The following RPTOR variants were observed in gnomAD, a reference collection of about 807,000 sequenced individuals.
RPTOR encodes the protein regulatory associated protein of MTOR complex 1.
RPTOR carries 21 observed loss-of-function variants against 169.9 expected under a neutral mutation model. That is an observed-to-expected ratio of 0.12 (90% CI 0.09 to 0.18). The LOEUF is 0.18. Among genes scored for constraint, RPTOR ranks in the 10% least tolerant of loss-of-function variants. The pLI, the probability that RPTOR is intolerant of heterozygous loss-of-function variation, is 1.00. For synonymous variants in RPTOR, 732 were observed against 753.2 expected (o/e 0.97, Z 0.46); for missense variants, 1,133 against 1,855.9 (o/e 0.61, Z 7.16).
rs1371441360 is a variant in RPTOR, at chr17:80,965,729, G to C, written c.*1399G>C. The C allele has an allele frequency of 4.3e-6, 1 of 233,254 alleles. No individual in the cohort carries two copies. The highest frequency in any genetic ancestry group is 8.5e-6 in the Non-Finnish European group (1 of 118,118). 14.4% of individuals were successfully genotyped at this position (233,254 alleles called of 1,614,324 possible). The stretch of plus-strand genomic sequence containing the variant: ...GATGGAACCCTGCCTGGTCACATTT[G>C]GCCAGAGACACACCTGGCCCTCAGG... On this transcript the variant is annotated 3_prime_UTR_variant, in exon 34 of 34. Transcript: ENST00000306801.
At chr17:80,607,303 A>G (rs2065236325) in intron 1 of RPTOR, among the ~76,000 whole-genome samples, 1 of 152,216 alleles carries the variant, frequency 6.6e-6, no homozygotes, top group African/African-American at 2.4e-5. Context: ...ACCAGATTTT[A>G]TTTACAACTG....
At chr17:80,552,549 T>A (rs1405586587) in intron 1 of RPTOR, among the ~76,000 whole-genome samples, 1 of 152,232 alleles carries the variant, frequency 6.6e-6, no homozygotes, top group Non-Finnish European at 1.5e-5. Context: ...CCTAGTCTAG[T>A]CTATGCTAGT....
chr17:80,858,004 C>G, intron 13 of RPTOR, 104 bp downstream of exon 13: 1 of 884,426 alleles, frequency 1.1e-6, no homozygotes, highest in South Asian at 1.4e-5. Flanking sequence ...GCCTCGCTCC[C>G]TCTCCAGGCA....
chr17:80,614,840 C>T (rs1481917787), intron 1 of RPTOR, among the ~76,000 whole-genome samples: 3 of 152,316 alleles, frequency 2.0e-5, no homozygotes, highest in East Asian at 1.9e-4. Flanking sequence ...CTTTAGTCGT[C>T]GATAATCCCC....
Position 80,619,140 on chromosome 17 carries a change from G to C in RPTOR, c.163-6551G>C, listed in dbSNP as rs114454270. Among the ~76,000 whole-genome samples, 348 of 152,254 alleles carry C rather than the reference G, an allele frequency of 2.3e-3. 5 individuals are homozygous for C. Among genetic ancestry groups the C allele is most frequent in the African/African-American group, 7.9e-3 (329 of 41,544 alleles). Reference sequence around the variant, plus strand: ...CGGGAATTGGGTGGCTCTGCCTTCAGACAAACCAGGGGATAGTGAATGTTG... The same window carrying C: ...CGGGAATTGGGTGGCTCTGCCTTCACACAAACCAGGGGATAGTGAATGTTG... On this transcript the variant is annotated intron_variant, in intron 1 of 33. Coordinates refer to ENST00000306801, the MANE Select transcript of RPTOR (RefSeq NM_020761.3).
At chr17:80,954,901 T>C (rs974274470) in intron 28 of RPTOR, among the ~76,000 whole-genome samples, 2 of 151,826 alleles carry the variant, frequency 1.3e-5, no homozygotes, top group African/African-American at 4.8e-5. Context: ...TGGGCAAAAG[T>C]GTGAGACTAC....
At chr17:80,848,765 G>A (rs544198776) in intron 11 of RPTOR, among the ~76,000 whole-genome samples, 6 of 152,374 alleles carry the variant, frequency 3.9e-5, no homozygotes, top group Non-Finnish European at 5.9e-5. Context: ...TGCCAAGCAC[G>A]TTAAATCCAG....
At chr17:80,635,346 T>C (rs2065497825) in intron 2 of RPTOR, among the ~76,000 whole-genome samples, 1 of 152,222 alleles carries the variant, frequency 6.6e-6, no homozygotes, top group African/African-American at 2.4e-5. Context: ...CTGAGACAGA[T>C]GCCAGCTTTG....
intron 33 of RPTOR, among the ~76,000 whole-genome samples, chr17:80,963,379 T>A: frequency 6.6e-6 from 1 of 151,068 alleles, no homozygotes. Flanking sequence ...TGTCCATCCC[T>A]GTGCGGCCCT....
chr17:80,881,694 G>A (rs750540401), intron 14 of RPTOR, among the ~76,000 whole-genome samples: 24 of 152,196 alleles, frequency 1.6e-4, no homozygotes, highest in Non-Finnish European at 3.1e-4. Flanking sequence ...TGTGGCACAC[G>A]CCTGTGGTCT....
chr17:80,588,885 C>CT (rs1477581184), intron 1 of RPTOR, among the ~76,000 whole-genome samples: 1 of 152,162 alleles, frequency 6.6e-6, no homozygotes, highest in African/African-American at 2.4e-5. Flanking sequence ...TATGGTCTCT[C>CT]TTGATAAACA....
Position 80,634,409 on chromosome 17 carries a change from T to C in RPTOR, c.265+8616T>C, listed in dbSNP as rs762532224. Among the ~76,000 whole-genome samples, 459 of 125,948 alleles carry C rather than the reference T, an allele frequency of 3.6e-3. 45 individuals carry two copies. Among genetic ancestry groups the C allele is most frequent in the Non-Finnish European group, 5.4e-3 (309 of 56,776 alleles). 82.6% of individuals were successfully genotyped at this position (125,948 alleles called of 152,430 possible). A position where few individuals can be genotyped will look rare whatever the true frequency, so the allele number is the denominator to read the frequency against. On this transcript the variant is annotated intron_variant, in intron 2 of 33. Transcript: ENST00000306801. ...ACTGTGTGCGTGTGCATACCGTGTG[T>C]GTGTGCATACCGTGTGTGTGTGCAT... is the stretch of plus-strand genomic sequence containing the variant.
At chr17:80,927,144 A>G (rs1015768292) in intron 24 of RPTOR, among the ~76,000 whole-genome samples, 33 of 152,260 alleles carry the variant, frequency 2.2e-4, no homozygotes, top group Middle Eastern at 3.2e-3. Context: ...ACTCTGAGTG[A>G]GCCAGAGCTG....
At chr17:80,564,629 T>G (rs1568306571) in intron 1 of RPTOR, among the ~76,000 whole-genome samples, 1 of 149,338 alleles carries the variant, frequency 6.7e-6, no homozygotes, top group African/African-American at 2.5e-5. Context: ...TTTCCGGATG[T>G]GCAGGTTTGT....
At chr17:80,711,714 T>G (rs1281095001) in intron 4 of RPTOR, among the ~76,000 whole-genome samples, 1 of 150,804 alleles carries the variant, frequency 6.6e-6, no homozygotes, top group Admixed American at 6.6e-5. Context: ...TGTCTTCTTT[T>G]GGGAAGTTAA....
intron 3 of RPTOR, among the ~76,000 whole-genome samples, chr17:80,705,558 G>A (rs1464748696): frequency 6.6e-6 from 1 of 152,218 alleles, no homozygotes; most frequent in African/African-American, 2.4e-5. Flanking sequence ...GAGTTTTAAT[G>A]TATATAATTA....
chr17:80,741,879 C>G (rs11869898), intron 5 of RPTOR, among the ~76,000 whole-genome samples: 1 of 152,012 alleles, frequency 6.6e-6, no homozygotes, highest in Non-Finnish European at 1.5e-5. Context: ...ACTGACAGAC[C>G]AGACCAGAGA....
rs2066377415 is a variant in RPTOR, at chr17:80,730,126, AGACT to A, written c.508-431_508-428del. 6.6e-6 allele frequency among the ~76,000 whole-genome samples: 1 copy of A among 152,146 alleles called. No individual in the cohort carries two copies. Among genetic ancestry groups the A allele is most frequent in the South Asian group, 2.1e-4 (1 of 4,826 alleles). ...TCAGTTTGATGGTTTTTGTTTTTTG[AGACT>A]GAGTCTCGCTCTGTTGCCCAGGCTG... On this transcript the variant is annotated intron_variant, in intron 4 of 33. Coordinates refer to ENST00000306801, the MANE Select transcript of RPTOR (RefSeq NM_020761.3). This position sits in a 1 kb window ranked among gnomAD's most constrained non-coding sequence, Gnocchi z 4.2.
chr17:80,738,562 A>C (rs1046555441), intron 5 of RPTOR, among the ~76,000 whole-genome samples: 4 of 152,150 alleles, frequency 2.6e-5, no homozygotes, highest in South Asian at 4.1e-4. Flanking sequence ...TCCAGGGTGC[A>C]ACTGAAGTTC....
Sources: gnomAD v4.1 joint callset for allele counts (sites outside exome capture counted in the v4.1 genomes callset) on GRCh38, gnomAD v4.1.1 for gene constraint, Gnocchi (gnomAD v3.1) non-coding constraint, MANE v1.5 for transcripts, NCBI Gene and HGNC (gene_info 2026-07-23, HGNC 2026-07-21) for gene names.